Variants in SLC4A4 observed in about 807,000 individuals in gnomAD.
SLC4A4 encodes the protein solute carrier family 4 member 4.
A neutral mutation model predicts 111.5 loss-of-function variants in SLC4A4; 27 were observed. The ratio of observed to expected loss-of-function variants is 0.24; its 90% CI spans 0.18 to 0.33. SLC4A4 has a LOEUF of 0.33. SLC4A4 is among the 10% of genes least tolerant of loss of function. The pLI is 1.00. For synonymous variants in SLC4A4, 443 were observed against 463.4 expected (o/e 0.96, Z 0.57); for missense variants, 909 against 1,315.5 (o/e 0.69, Z 4.78).
chr4:71,440,978 G>A (rs1463011946), intron 8 of SLC4A4, among the ~76,000 whole-genome samples: 1 of 152,056 alleles, frequency 6.6e-6, no homozygotes, highest in African/African-American at 2.4e-5. Flanking sequence ...ATAGTTTATT[G>A]GGCAGTGTAC....
chr4:71,481,681 A>C (rs371431728), intron 14 of SLC4A4, among the ~76,000 whole-genome samples: 7 of 151,770 alleles, frequency 4.6e-5, no homozygotes, highest in South Asian at 2.1e-4. Context: ...TTCACACACA[A>C]AAAATTTTTG....
At chr4:71,168,768 T>C (rs1744853617) in intron 2 of SLC4A4, among the ~76,000 whole-genome samples, 2 of 152,184 alleles carry the variant, frequency 1.3e-5, no homozygotes, top group Non-Finnish European at 2.9e-5. Context: ...TTCATCCATA[T>C]TGCTGCAAAT....
chr4:71,203,389 A>G (rs982330876), intron 1 of SLC4A4, among the ~76,000 whole-genome samples: 2 of 152,168 alleles, frequency 1.3e-5, no homozygotes, highest in Non-Finnish European at 2.9e-5. Context: ...TGAAGTAAAA[A>G]TAATATTTTG....
intron 3 of SLC4A4, among the ~76,000 whole-genome samples, chr4:71,284,937 G>A (rs1375112168): frequency 2.0e-5 from 3 of 152,140 alleles, no homozygotes; most frequent in Non-Finnish European, 2.9e-5. Context: ...CCTCAATGGG[G>A]AATCTGATTA....
At chr4:71,420,246 A>T (rs1246891845) in intron 7 of SLC4A4, among the ~76,000 whole-genome samples, 5 of 152,224 alleles carry the variant, frequency 3.3e-5, no homozygotes, top group Non-Finnish European at 7.3e-5. Flanking sequence ...GTGATGGAAG[A>T]TGAAATGAAT....
chr4:71,195,886 A>G (rs1298895112), intron 1 of SLC4A4, among the ~76,000 whole-genome samples: 1 of 152,232 alleles, frequency 6.6e-6, no homozygotes, highest in Non-Finnish European at 1.5e-5. Context: ...TGTTGGCCTT[A>G]TTGAAATATT....
chr4:71,512,201 T>C (rs1371345883), intron 16 of SLC4A4, among the ~76,000 whole-genome samples: 2 of 152,176 alleles, frequency 1.3e-5, no homozygotes. Flanking sequence ...ATCTCAATAG[T>C]GTTTCCATAG....
intron 16 of SLC4A4, among the ~76,000 whole-genome samples, chr4:71,523,508 G>A (rs576827674): frequency 1.3e-5 from 2 of 152,218 alleles, no homozygotes; most frequent in East Asian, 1.9e-4. Context: ...AGAAAAATAG[G>A]TTGGGAGCAG....
At chr4:71,417,901 T>A (rs1721964604) in intron 7 of SLC4A4, among the ~76,000 whole-genome samples, 1 of 152,204 alleles carries the variant, frequency 6.6e-6, no homozygotes, top group Admixed American at 6.5e-5. Context: ...CTTAGCTGTA[T>A]GAGTTTGGTG....
intron 5 of SLC4A4, among the ~76,000 whole-genome samples, chr4:71,351,337 T>G (rs191190754): frequency 2.0e-5 from 3 of 152,300 alleles, no homozygotes; most frequent in African/African-American, 7.2e-5. Flanking sequence ...ACTACTTCTC[T>G]TCTTACAGAT....
At chr4:71,552,249 A>G (rs1736056213) in intron 20 of SLC4A4, among the ~76,000 whole-genome samples, 2 of 151,908 alleles carry the variant, frequency 1.3e-5, no homozygotes, top group African/African-American at 2.4e-5. Flanking sequence ...TAATTTCTCA[A>G]TGTTACATAA....
At chr4:71,534,951 CT>C (rs1734280499) in intron 18 of SLC4A4, among the ~76,000 whole-genome samples, 1 of 152,146 alleles carries the variant, frequency 6.6e-6, no homozygotes, top group African/African-American at 2.4e-5. Flanking sequence ...AAGAAAATGC[CT>C]TAGTGGTCTG....
intron 14 of SLC4A4, among the ~76,000 whole-genome samples, chr4:71,483,476 C>T (rs1217483817): frequency 1.3e-5 from 2 of 151,856 alleles, no homozygotes; most frequent in African/African-American, 2.4e-5. Context: ...CCTCCAGTTC[C>T]ATCCATATCC....
chr4:71,369,662 T>C (rs1731667497), intron 6 of SLC4A4, among the ~76,000 whole-genome samples: 1 of 152,158 alleles, frequency 6.6e-6, no homozygotes, highest in Non-Finnish European at 1.5e-5. Flanking sequence ...GGGAATAAGA[T>C]AGAATCTTTA....
rs1395985421 is a variant in SLC4A4, at chr4:71,437,581, T to G, written c.808-3035T>G. On this transcript the variant is annotated intron_variant, in intron 7 of 25. Coordinates refer to ENST00000264485, the MANE Select transcript of SLC4A4 (RefSeq NM_001098484.3). Reference sequence around the variant, plus strand: ...CATTTTTATGGAAGGGCTGCCATGTTGAAGATCCGTTGTCTCACCCTTCAA... The same window carrying G: ...CATTTTTATGGAAGGGCTGCCATGTGGAAGATCCGTTGTCTCACCCTTCAA... The G allele has an allele frequency of 7.7e-6, 4 of 522,856 alleles. No homozygotes were observed. The Admixed American group carries it at 7.8e-5, about 10-fold the overall frequency. 32.4% of individuals were successfully genotyped at this position (522,856 alleles called of 1,614,324 possible). A position where few individuals can be genotyped will look rare whatever the true frequency, so the allele number is the denominator to read the frequency against.
At chr4:71,395,367 AC>A (rs1719724435) in intron 6 of SLC4A4, among the ~76,000 whole-genome samples, 1 of 152,200 alleles carries the variant, frequency 6.6e-6, no homozygotes, top group Non-Finnish European at 1.5e-5. Flanking sequence ...AATATTAATT[AC>A]TTTTATTAAT....
intron 7 of SLC4A4, among the ~76,000 whole-genome samples, chr4:71,408,172 A>G (rs1202549356): frequency 6.6e-6 from 1 of 152,184 alleles, no homozygotes; most frequent in Admixed American, 6.5e-5. Context: ...CCAGAGTATC[A>G]GCACATAACA....
chr4:71,121,708 C>A (rs1019111949), intron 2 of SLC4A4, among the ~76,000 whole-genome samples: 3 of 152,198 alleles, frequency 2.0e-5, no homozygotes, highest in Admixed American at 2.0e-4. Context: ...GACCAATCAG[C>A]AAGATGTGGG....
chr4:71,503,210 G>A (rs1265657345), intron 16 of SLC4A4, among the ~76,000 whole-genome samples: 1 of 149,624 alleles, frequency 6.7e-6, no homozygotes, highest in Non-Finnish European at 1.5e-5. Context: ...TAATAGTGAG[G>A]GGATCTCTAG....
Sources: allele counts gnomAD v4.1 joint callset (sites outside exome capture counted in the v4.1 genomes callset), GRCh38; gene constraint gnomAD v4.1.1; transcripts MANE v1.5; gene names NCBI Gene and HGNC (gene_info 2026-07-23, HGNC 2026-07-21).